XPO4: variants seen among roughly 807,000 people sequenced by gnomAD.
XPO4 encodes the protein exportin-4.
XPO4 carries 39 observed loss-of-function variants against 143.0 expected under a neutral mutation model. The observed-to-expected ratio is 0.27, with a 90% CI of 0.21 to 0.36. The LOEUF (loss-of-function observed/expected upper bound fraction) is 0.36. XPO4 is among the 10% of genes least tolerant of loss of function. The probability of loss-of-function intolerance (pLI) is 1.00; values close to 1 mark genes in which losing one functional copy is unlikely to be tolerated. For missense variants in XPO4, 907 were observed against 1,348.0 expected, an observed-to-expected ratio of 0.67 and a Z score of 5.12; for synonymous variants, 439 against 474.0, an observed-to-expected ratio of 0.93 and a Z score of 0.96.
At chr13:20,794,687 T>C (rs1333128567) in intron 18 of XPO4, among the ~76,000 whole-genome samples, 1 of 152,110 alleles carries the variant, frequency 6.6e-6, no homozygotes, top group African/African-American at 2.4e-5. Context: ...GCTGTGACCA[T>C]GCGACTGCAC....
intron 22 of XPO4, among the ~76,000 whole-genome samples, 191 bp downstream of exon 22, chr13:20,786,774 A>C (rs934332687): frequency 3.3e-5 from 5 of 152,242 alleles, no homozygotes. Flanking sequence ...ACTGACAAAC[A>C]GCTGTCAGAT....
intron 1 of XPO4, among the ~76,000 whole-genome samples, chr13:20,899,394 T>C (rs1268268700): frequency 6.6e-6 from 1 of 151,296 alleles, no homozygotes; most frequent in African/African-American, 2.4e-5. Context: ...AGTCTGGTGA[T>C]CTCAGCCTGG....
At chr13:20,795,378 CAGACACAATGCT>C (rs2059343930) in intron 18 of XPO4, among the ~76,000 whole-genome samples, 2 of 152,166 alleles carry the variant, frequency 1.3e-5, no homozygotes, top group African/African-American at 4.8e-5. Context: ...TACTGATTGT[CAGACACAATGCT>C]AGGCACCAAA....
intron 9 of XPO4, among the ~76,000 whole-genome samples, chr13:20,816,279 A>G (rs1261168247): frequency 2.0e-5 from 3 of 152,198 alleles, no homozygotes; most frequent in Non-Finnish European, 4.4e-5. Flanking sequence ...TGCTATTGGT[A>G]TGTAGATTCT....
At chr13:20,890,811 A>AT (rs1010312179) in intron 1 of XPO4, among the ~76,000 whole-genome samples, 1 of 151,256 alleles carries the variant, frequency 6.6e-6, no homozygotes, top group African/African-American at 2.4e-5. Flanking sequence ...AAAAAAAAAA[A>AT]AAAAAAAAGG....
intron 8 of XPO4, 38 bp downstream of exon 8, chr13:20,822,094 G>A (rs9509385): frequency 6.4e-7 from 1 of 1,565,386 alleles, no homozygotes; most frequent in African/African-American, 1.4e-5. Flanking sequence ...ACAAAACGTA[G>A]AGCTCCTTTT....
Position 20,801,007 on chromosome 13 carries a change from GA to G in XPO4, c.1818-18del, listed in dbSNP as rs1413544812. On this transcript the variant is annotated intron_variant, in intron 13 of 22. Transcript: ENST00000255305. ...GACAACAGCCTGTAGGTATAAAACA[GA>G]AGTCATTTATTCTTTTATTTATTTA... is the stretch of plus-strand genomic sequence containing the variant. 1 of 1,603,986 alleles carries G rather than the reference GA, an allele frequency of 6.2e-7. No homozygotes were observed. The highest frequency in any genetic ancestry group is 2.2e-5 in the East Asian group (1 of 44,788).
intron 9 of XPO4, among the ~76,000 whole-genome samples, chr13:20,818,065 C>G (rs918082034): frequency 1.3e-5 from 2 of 152,052 alleles, no homozygotes; most frequent in African/African-American, 4.8e-5. Flanking sequence ...AAGGTACGGC[C>G]GTGAGCCACC....
At chr13:20,844,850 T>C (rs528438615) in intron 4 of XPO4, among the ~76,000 whole-genome samples, 1 of 152,360 alleles carries the variant, frequency 6.6e-6, no homozygotes, top group East Asian at 1.9e-4. Flanking sequence ...CTGTCCATTT[T>C]GTATATGTCT....
intron 4 of XPO4, chr13:20,849,744 G>C (rs2060064686): frequency 3.0e-6 from 3 of 985,008 alleles, no homozygotes; most frequent in Non-Finnish European, 3.6e-6. Flanking sequence ...AGAGAACCAA[G>C]TCTTTAAGAT....
chr13:20,803,235 T>G lies in XPO4; in HGVS notation c.1818-2245A>C, dbSNP rs1172760096. Among the ~76,000 whole-genome samples, 3 of 152,222 alleles carry G rather than the reference T, an allele frequency of 2.0e-5. No homozygotes were observed. Among genetic ancestry groups the G allele is most frequent in the African/African-American group, 7.2e-5 (3 of 41,464 alleles). Reference sequence around the variant, plus strand: ...TGATGTGATTAGGTCCTCTTGTTATTTAATGCAAAGGACTGAAACCTGCTA... The same window carrying G: ...TGATGTGATTAGGTCCTCTTGTTATGTAATGCAAAGGACTGAAACCTGCTA... On this transcript the variant is annotated intron_variant, in intron 13 of 22. Coordinates refer to ENST00000255305, the MANE Select transcript of XPO4 (RefSeq NM_022459.5). This position sits in a 1 kb window ranked among gnomAD's most constrained non-coding sequence, Gnocchi z 4.1.
At chr13:20,851,711 C>CAAAAAAAAAAAAAAAAAA (rs11340357) in intron 4 of XPO4, 1 of 681,862 alleles carries the variant, frequency 1.5e-6, no homozygotes, top group African/African-American at 2.6e-5. Flanking sequence ...CCCGGTCTCA[C>CAAAAAAAAAAAAAAAAAA]AAAAAAAAAA....
chr13:20,868,904 C>A (rs2060267355), intron 1 of XPO4, among the ~76,000 whole-genome samples: 1 of 152,044 alleles, frequency 6.6e-6, no homozygotes, highest in Non-Finnish European at 1.5e-5. Context: ...GGAAAAAATT[C>A]CTGGCAAGGT....
intron 1 of XPO4, among the ~76,000 whole-genome samples, chr13:20,890,060 G>A (rs576088686): frequency 6.6e-6 from 1 of 152,282 alleles, no homozygotes; most frequent in African/African-American, 2.4e-5. Context: ...AACCTGTTAA[G>A]GATGCATTTA....
At chr13:20,788,339 G>A in intron 20 of XPO4, 147 bp downstream of exon 20, 1 of 1,041,090 alleles carries the variant, frequency 9.6e-7, no homozygotes, top group South Asian at 1.6e-5. Flanking sequence ...TTACAGGTGT[G>A]AGCCACCGTG....
At position 20,783,882 on chromosome 13, in the gene XPO4, C is replaced by G; in HGVS notation, c.3296G>C (p.Ser1099Thr). The G allele has an allele frequency of 6.2e-7, 1 of 1,614,162 alleles. No individual in the cohort carries two copies. The highest frequency in any genetic ancestry group is 8.5e-7 in the Non-Finnish European group (1 of 1,180,036). ...CTGGTAAATAACTGGGTCTTGCTGA[C>G]TTGATAGTAATGTTTCGACCAGTTC... ...YSELVETLLS[S>T]QQDPVIYQRL... Residue 1099 changes from serine (S) to threonine (T), a missense_variant, in exon 23 of 23, where the codon AGT becomes ACT. Coordinates refer to ENST00000255305, the MANE Select transcript of XPO4 (RefSeq NM_022459.5).
intron 2 of XPO4, chr13:20,865,300 G>A: frequency 5.2e-6 from 1 of 193,668 alleles, no homozygotes; most frequent in Non-Finnish European, 9.4e-6. Flanking sequence ...CACCACACCG[G>A]CTAATTTTGT....
At chr13:20,811,508 G>A (rs755815703) in intron 9 of XPO4, among the ~76,000 whole-genome samples, 6 of 151,870 alleles carry the variant, frequency 4.0e-5, no homozygotes, top group African/African-American at 9.7e-5. Flanking sequence ...GGATGGTCTC[G>A]AACTCCTGGC....
intron 9 of XPO4, among the ~76,000 whole-genome samples, chr13:20,817,535 A>T (rs1465514274): frequency 6.6e-6 from 1 of 152,200 alleles, no homozygotes; most frequent in East Asian, 1.9e-4. Context: ...GATTGCCCTT[A>T]TACACAACAC....
Sources: gnomAD v4.1 joint callset for allele counts (sites outside exome capture counted in the v4.1 genomes callset) on GRCh38, gnomAD v4.1.1 for gene constraint, Gnocchi (gnomAD v3.1) non-coding constraint, MANE v1.5 for transcripts, NCBI Gene and HGNC (gene_info 2026-07-23, HGNC 2026-07-21) for gene names.